TBC1D9B: variants seen among roughly 807,000 people sequenced by gnomAD.
TBC1D9B encodes the protein TBC1 domain family member 9B, also known as TBC1 domain family, member 9B (with GRAM domain).
Under a neutral mutation model 121.1 loss-of-function variants are expected in TBC1D9B, and 87 were observed. That is an observed-to-expected ratio of 0.72 (90% CI 0.60 to 0.86). The LOEUF (loss-of-function observed/expected upper bound fraction) is 0.86. Among genes scored for constraint, TBC1D9B ranks in the 40% least tolerant of loss-of-function variants. TBC1D9B has a pLI of 0.00. For synonymous variants in TBC1D9B, 668 were observed against 670.1 expected (o/e 1.00, Z 0.05); for missense variants, 1,540 against 1,628.6 (o/e 0.95, Z 0.94).
chr5:179,878,956 C>G lies in TBC1D9B; in HGVS notation c.1567+91G>C, dbSNP rs1261263699. The G allele has an allele frequency of 9.4e-6, 14 of 1,489,892 alleles. No homozygotes were observed. The East Asian group carries it at 3.0e-4, about 32-fold the overall frequency. 92.3% of individuals were successfully genotyped at this position (1,489,892 alleles called of 1,614,324 possible). A position where few individuals can be genotyped will look rare whatever the true frequency, so the allele number is the denominator to read the frequency against. On this transcript the variant is annotated intron_variant, in intron 9 of 20. Transcript: ENST00000355235. ...GCTGGGAGCTCCTGCCTGGCCAACT[C>G]CAGGCCGGCTCAGGACAGACGAGCT...
In TBC1D9B at chr5:179,864,185, T is replaced by C. The variant is rs1043841771; in HGVS notation, c.3022-57A>G. ...ATGGTAAAAGACCAGTCAGACGGGG[T>C]CCATATTAGCCAAACTGATGACAAG... On this transcript the variant is annotated intron_variant, in intron 20 of 20. Transcript: ENST00000355235. The C allele has an allele frequency of 2.0e-6, 3 of 1,494,200 alleles. No homozygotes were observed. The African/African-American group carries it at 4.2e-5, about 21-fold the overall frequency. The allele number at this position is 1,494,200 out of a possible 1,614,324, so 92.6% of individuals were successfully genotyped here.
chr5:179,906,011 C>A (rs1390492849), intron 1 of TBC1D9B, among the ~76,000 whole-genome samples: 3 of 152,190 alleles, frequency 2.0e-5, no homozygotes, highest in Non-Finnish European at 4.4e-5. Context: ...TCCCGAGTAG[C>A]TGGGATAACA....
At chr5:179,893,739 G>A (rs1001897667) in intron 4 of TBC1D9B, among the ~76,000 whole-genome samples, 24 of 152,298 alleles carry the variant, frequency 1.6e-4, no homozygotes, top group African/African-American at 5.3e-4. Context: ...GTGAACCACC[G>A]AGACCCACCC....
rs1760329058 is a variant in TBC1D9B at position 179,875,262 on chromosome 5, G to A, written c.1901-75C>T. 4 of 1,528,856 alleles carry A rather than the reference G, an allele frequency of 2.6e-6. No homozygotes were observed. Among genetic ancestry groups the A allele is most frequent in the Non-Finnish European group, 3.5e-6 (4 of 1,140,810 alleles). 94.7% of individuals were successfully genotyped at this position (1,528,856 alleles called of 1,614,324 possible). ...GTGGGCCCTCACCTGCAGCGTACGA[G>A]CCCTGGCCACTCCAGCCCTGCCAGC... On this transcript the variant is annotated intron_variant, in intron 11 of 20. Transcript: ENST00000355235. This position sits in a 1 kb window ranked among gnomAD's most constrained non-coding sequence, Gnocchi z 4.5.
chr5:179,907,717 GC>G lies in TBC1D9B; in HGVS notation c.104del (p.Gly35AlafsTer108). 1 of 1,172,288 alleles carries G rather than the reference GC, an allele frequency of 8.5e-7. No homozygotes were observed. Among genetic ancestry groups the G allele is most frequent in the South Asian group, 1.6e-5 (1 of 62,930 alleles). 72.6% of individuals were successfully genotyped at this position (1,172,288 alleles called of 1,614,324 possible). A position where few individuals can be genotyped will look rare whatever the true frequency, so the allele number is the denominator to read the frequency against. ...CGCGCCTCTCACCCGTAAGGCCGCC[GC>G]CCCTGCCGTGGCCCCGGCGTCGCTG... ...VLQRRRGHGR[G>X]GGLTGLLVGT... On this transcript the variant is annotated frameshift_variant, in exon 1 of 21. Transcript: ENST00000355235. LOFTEE classifies it high-confidence loss of function. The surrounding 1 kb of genome is among the most constrained non-coding windows in gnomAD (Gnocchi z 5.3).
intron 15 of TBC1D9B, 142 bp from the exon 16 acceptor site, chr5:179,870,637 C>T: frequency 7.8e-7 from 1 of 1,280,810 alleles, no homozygotes; most frequent in Non-Finnish European, 1.0e-6. Context: ...GACACTGCAG[C>T]ACCTCCCGAA....
chr5:179,904,568 C>A lies in TBC1D9B; in HGVS notation c.229+134G>T. 2 of 790,984 alleles carry A rather than the reference C, an allele frequency of 2.5e-6. No individual in the cohort carries two copies. The highest frequency in any genetic ancestry group is 4.1e-6 in the Non-Finnish European group (2 of 487,978). The allele number at this position is 790,984 out of a possible 1,614,324, so 49.0% of individuals were successfully genotyped here. A position where few individuals can be genotyped will look rare whatever the true frequency, so the allele number is the denominator to read the frequency against. On this transcript the variant is annotated intron_variant, in intron 2 of 20. Coordinates refer to ENST00000355235, the MANE Select transcript of TBC1D9B (RefSeq NM_015043.4). The surrounding 1 kb of genome is among the most constrained non-coding windows in gnomAD (Gnocchi z 4.2). ...GATGGAAGCGAAGGCTCCTCCACTTCCCTCTTGCAGCCTTGGGCTATGCTG... is the reference window on the plus strand; with the variant it reads ...GATGGAAGCGAAGGCTCCTCCACTTACCTCTTGCAGCCTTGGGCTATGCTG...
At chr5:179,883,830 A>T (rs1310831650) in intron 7 of TBC1D9B, among the ~76,000 whole-genome samples, 1 of 152,156 alleles carries the variant, frequency 6.6e-6, no homozygotes, top group African/African-American at 2.4e-5. Context: ...TTCTTTCAGC[A>T]GGATGTTCTA....
In TBC1D9B at chr5:179,907,705, C is replaced by T. The variant is rs1437619069; in HGVS notation, c.117G>A (p.Thr39=). 3.5e-6 allele frequency: 4 copies of T among 1,156,444 alleles called. No individual in the cohort carries two copies. The highest frequency in any genetic ancestry group is 3.3e-5 in the South Asian group (2 of 60,044). The allele number at this position is 1,156,444 out of a possible 1,614,324, so 71.6% of individuals were successfully genotyped here. The part of the protein sequence containing the change: ...RRGHGRGGGL[T]GLLVGTLDVV... ...CCCGGCCGCCCGCGCGCCTCTCACC[C>T]GTAAGGCCGCCGCCCCTGCCGTGGC... Residue 39 remains threonine (T), a splice_region_variant and synonymous_variant, in exon 1 of 21, where the codon ACG becomes ACA. Coordinates refer to ENST00000355235, the MANE Select transcript of TBC1D9B (RefSeq NM_015043.4). The surrounding 1 kb of genome is among the most constrained non-coding windows in gnomAD (Gnocchi z 5.3).
At chr5:179,871,699 C>T in intron 14 of TBC1D9B, 169 bp from the exon 15 acceptor site, 1 of 618,106 alleles carries the variant, frequency 1.6e-6, no homozygotes, top group Non-Finnish European at 2.8e-6. Flanking sequence ...GCCCACAGCC[C>T]ATCCCTGGCC....
At chr5:179,894,328 C>T (rs1401791626) in intron 4 of TBC1D9B, 58 bp downstream of exon 4, 28 of 1,484,878 alleles carry the variant, frequency 1.9e-5, no homozygotes, top group East Asian at 9.7e-5. Flanking sequence ...ATCTGGGGGC[C>T]GAAGGCAGGG....
intron 3 of TBC1D9B, among the ~76,000 whole-genome samples, chr5:179,897,863 A>G (rs539536302): frequency 6.6e-6 from 1 of 152,190 alleles, no homozygotes; most frequent in South Asian, 2.1e-4. Context: ...CACTGAGAAG[A>G]GCTGAGAAAG....
chr5:179,878,666 T>C, intron 9 of TBC1D9B, 143 bp from the exon 10 acceptor site: 1 of 840,932 alleles, frequency 1.2e-6, no homozygotes. Flanking sequence ...AAGGTTTCCC[T>C]TGTGCTCCTG....
In TBC1D9B at chr5:179,877,651, T is replaced by A. The variant is rs1360903400; in HGVS notation, c.1782+658A>T. Among the ~76,000 whole-genome samples, 104 of 124,470 alleles carry A rather than the reference T, an allele frequency of 8.4e-4. 1 individual carries two copies. Among genetic ancestry groups the A allele is most frequent in the African/African-American group, 3.3e-3 (102 of 31,384 alleles). 81.7% of individuals were successfully genotyped at this position (124,470 alleles called of 152,430 possible). On this transcript the variant is annotated intron_variant, in intron 10 of 20. Coordinates refer to ENST00000355235, the MANE Select transcript of TBC1D9B (RefSeq NM_015043.4). ...TGCACTCCAGCCTGGGAAACAAGAG[T>A]GAGATTCTATCTCAAAAAAAAAAAA...
intron 2 of TBC1D9B, among the ~76,000 whole-genome samples, chr5:179,900,522 G>A (rs1761137464): frequency 6.6e-6 from 1 of 152,160 alleles, no homozygotes; most frequent in Non-Finnish European, 1.5e-5. Context: ...CGTTATTCAG[G>A]TGGTCAGATT....
chr5:179,893,057 C>G (rs605348), intron 5 of TBC1D9B, 152 bp downstream of exon 5: 1 of 1,104,242 alleles, frequency 9.1e-7, no homozygotes, highest in Non-Finnish European at 1.3e-6. Context: ...CTGCAATGAT[C>G]TGTTTACCTG....
Position 179,862,718 on chromosome 5 carries a change from C to A in TBC1D9B, c.*730G>T. On this transcript the variant is annotated 3_prime_UTR_variant, in exon 21 of 21. Coordinates refer to ENST00000355235, the MANE Select transcript of TBC1D9B (RefSeq NM_015043.4). Reference sequence around the variant, plus strand: ...CCTAAGCAGTGGTTGGGGGCCACAGCAAGGCATTGCACACAGTGGTTTTTA... The same window carrying A: ...CCTAAGCAGTGGTTGGGGGCCACAGAAAGGCATTGCACACAGTGGTTTTTA... 1 of 419,016 alleles carries A rather than the reference C, an allele frequency of 2.4e-6. No homozygotes were observed. Among genetic ancestry groups the A allele is most frequent in the Non-Finnish European group, 5.0e-6 (1 of 198,720 alleles). The allele number at this position is 419,016 out of a possible 1,614,324, so 26.0% of individuals were successfully genotyped here.
At chr5:179,879,456 C>T in intron 8 of TBC1D9B, 172 bp downstream of exon 8, 2 of 1,124,492 alleles carry the variant, frequency 1.8e-6, no homozygotes, top group South Asian at 1.5e-5. Context: ...TCAGCGGAGC[C>T]CCCCAGAGAG....
rs1391921930 is a variant in TBC1D9B, at chr5:179,867,735, A to G, written c.2863+43T>C. The G allele has an allele frequency of 1.9e-6, 3 of 1,605,238 alleles. No individual in the cohort carries two copies. In the Admixed American group the frequency reaches 5.0e-5, roughly 27 times the overall value. On this transcript the variant is annotated intron_variant, in intron 18 of 20. Coordinates refer to ENST00000355235, the MANE Select transcript of TBC1D9B (RefSeq NM_015043.4). ...CCCACAGGAAGGCGGCGGTGGCTGC[A>G]GAGTGCTGGCTGGGCATGTCGGGTG...
Sources: gnomAD v4.1 joint callset for allele counts (sites outside exome capture counted in the v4.1 genomes callset) on GRCh38, gnomAD v4.1.1 for gene constraint, Gnocchi (gnomAD v3.1) non-coding constraint, MANE v1.5 for transcripts, NCBI Gene and HGNC (gene_info 2026-07-23, HGNC 2026-07-21) for gene names.